ZNF586: variants seen among roughly 807,000 people sequenced by gnomAD.
The protein encoded by ZNF586 is zinc finger protein 586.
In ZNF586, 7 loss-of-function variants were observed where a neutral mutation model predicts 6.7. That is an observed-to-expected ratio of 1.04 (90% CI 0.59 to 1.95). ZNF586 has a LOEUF of 1.95. Ranked by LOEUF, ZNF586 falls within the 30% of genes most tolerant of loss-of-function variation. The pLI, the probability that ZNF586 is intolerant of heterozygous loss-of-function variation, is 0.00. For synonymous variants in ZNF586, 166 were observed against 168.7 expected, an observed-to-expected ratio of 0.98 and a Z score of 0.12; for missense variants, 442 against 489.6, an observed-to-expected ratio of 0.90 and a Z score of 0.92.
At chr19:57,775,507 T>A (rs1205203802) in intron 1 of ZNF586, among the ~76,000 whole-genome samples, 1 of 150,252 alleles carries the variant, frequency 6.7e-6, no homozygotes, top group African/African-American at 2.5e-5. Context: ...AAATTAAAAA[T>A]AAAAACAAGC....
chr19:57,771,180 A>G (rs1270403799), intron 1 of ZNF586, among the ~76,000 whole-genome samples: 1 of 151,930 alleles, frequency 6.6e-6, no homozygotes, highest in Non-Finnish European at 1.5e-5. Context: ...ACACACCTGT[A>G]GTCCCAACTA....
rs909923942 is a variant in ZNF586 at position 57,779,925 on chromosome 19, A to G, written c.*129A>G. ...TTAGCTAGAATGCTAGCTTCTTTAC[A>G]TAAAAGAGTGCTCCCACTGAAGAAG... is the stretch of plus-strand genomic sequence containing the variant. On this transcript the variant is annotated 3_prime_UTR_variant, in exon 3 of 3. Coordinates refer to ENST00000396154, the MANE Select transcript of ZNF586 (RefSeq NM_017652.4). 2.4e-6 allele frequency: 2 copies of G among 823,270 alleles called. No homozygotes were observed. Among genetic ancestry groups the G allele is most frequent in the African/African-American group, 3.4e-5 (2 of 58,032 alleles). The allele number at this position is 823,270 out of a possible 1,614,324, so 51.0% of individuals were successfully genotyped here.
chr19:57,774,847 G>A, intron 1 of ZNF586: 1 of 675,456 alleles, frequency 1.5e-6, no homozygotes, highest in Non-Finnish European at 1.8e-6. Context: ...CATGTCTGGT[G>A]ATACCAGTAC....
chr19:57,777,931 G>T (rs1296911165), intron 2 of ZNF586, among the ~76,000 whole-genome samples: 1 of 149,626 alleles, frequency 6.7e-6, no homozygotes, highest in Non-Finnish European at 1.5e-5. Context: ...AATTTTTGGG[G>T]TATTTTTAGT....
chr19:57,773,768 C>A (rs1351747100), intron 1 of ZNF586, among the ~76,000 whole-genome samples: 1 of 152,188 alleles, frequency 6.6e-6, no homozygotes, highest in Non-Finnish European at 1.5e-5. Flanking sequence ...CACTTTGTGG[C>A]CTCACCAAGA....
Position 57,780,075 on chromosome 19 carries a change from G to A in ZNF586, c.*279G>A. ...TTATTTTTTCTTCAATATAACACTG[G>A]AGGAAACCCCTTATGAGGATGCCAT... On this transcript the variant is annotated 3_prime_UTR_variant, in exon 3 of 3. Transcript: ENST00000396154. 2 of 431,028 alleles carry A rather than the reference G, an allele frequency of 4.6e-6. No individual in the cohort carries two copies. The highest frequency in any genetic ancestry group is 3.9e-5 in the East Asian group (1 of 25,330). 26.7% of individuals were successfully genotyped at this position (431,028 alleles called of 1,614,324 possible). A position where few individuals can be genotyped will look rare whatever the true frequency, so the allele number is the denominator to read the frequency against.
In ZNF586 at chr19:57,779,803, T is replaced by A; in HGVS notation, c.*7T>A. 6.4e-7 allele frequency: 1 copy of A among 1,561,040 alleles called. No individual in the cohort carries two copies. The highest frequency in any genetic ancestry group is 8.7e-7 in the Non-Finnish European group (1 of 1,155,286). On this transcript the variant is annotated 3_prime_UTR_variant, in exon 3 of 3. Coordinates refer to ENST00000396154, the MANE Select transcript of ZNF586 (RefSeq NM_017652.4). Reference sequence around the variant, plus strand: ...AATGAGGCCTTATAAGTGAAGCAAATTTTGGAAATTCTCTTGCCCAGGCTT... The same window carrying A: ...AATGAGGCCTTATAAGTGAAGCAAAATTTGGAAATTCTCTTGCCCAGGCTT...
In ZNF586 at chr19:57,769,947, G is replaced by A. The variant is rs550842896; in HGVS notation, c.36+69G>A. 441 of 1,346,136 alleles carry A rather than the reference G, an allele frequency of 3.3e-4. 1 individual carries two copies. The highest frequency in any genetic ancestry group is 8.8e-4 in the Admixed American group (30 of 34,148). 83.4% of individuals were successfully genotyped at this position (1,346,136 alleles called of 1,614,324 possible). A position where few individuals can be genotyped will look rare whatever the true frequency, so the allele number is the denominator to read the frequency against. ...GACCCTGAGGCCCCTGATCGTGAGGGCCGCCTCCTCGCGTCCCTGCAGCCC... is the reference window on the plus strand; with the variant it reads ...GACCCTGAGGCCCCTGATCGTGAGGACCGCCTCCTCGCGTCCCTGCAGCCC... On this transcript the variant is annotated intron_variant, in intron 1 of 2. Coordinates refer to ENST00000396154, the MANE Select transcript of ZNF586 (RefSeq NM_017652.4).
chr19:57,772,385 T>C (rs1215667771), intron 1 of ZNF586, among the ~76,000 whole-genome samples: 1 of 152,090 alleles, frequency 6.6e-6, no homozygotes, highest in Non-Finnish European at 1.5e-5. Context: ...GTGTGGATGG[T>C]TTTCCTCATA....
chr19:57,770,937 A>G (rs932755922), intron 1 of ZNF586, among the ~76,000 whole-genome samples: 4 of 151,538 alleles, frequency 2.6e-5, no homozygotes, highest in African/African-American at 9.7e-5. Flanking sequence ...CACGGCCTCG[A>G]CCTCTCCGGG....
Position 57,773,059 on chromosome 19 carries a change from A to G in ZNF586, c.36+3181A>G, listed in dbSNP as rs574845208. Among the ~76,000 whole-genome samples the G allele has an allele frequency of 5.3e-5, 8 of 152,310 alleles. No individual in the cohort carries two copies. The South Asian group carries it at 1.7e-3, about 32-fold the overall frequency. On this transcript the variant is annotated intron_variant, in intron 1 of 2. Coordinates refer to ENST00000396154, the MANE Select transcript of ZNF586 (RefSeq NM_017652.4). ...TGCATGCCAGAAAAGGAGATGACCA[A>G]ATATATATTTCACAATATCACACCC...
chr19:57,779,419 T>C lies in ZNF586; in HGVS notation c.832T>C (p.Leu278=). ...GKSFRRSSSL[L]QHQRVHTRER... is the part of the protein sequence containing the mutation. ...ATCATTTCGCCGAAGCTCTTCACTC[T>C]TGCAGCATCAGAGAGTTCACACTAG... Residue 278 remains leucine (L), a synonymous_variant, in exon 3 of 3, where the codon TTG becomes CTG. Transcript: ENST00000396154. 1 of 1,613,118 alleles carries C rather than the reference T, an allele frequency of 6.2e-7. No homozygotes were observed. Among genetic ancestry groups the C allele is most frequent in the South Asian group, 1.1e-5 (1 of 91,012 alleles).
chr19:57,775,328 G>C (rs1419602817), intron 1 of ZNF586, among the ~76,000 whole-genome samples: 1 of 152,082 alleles, frequency 6.6e-6, no homozygotes, highest in Non-Finnish European at 1.5e-5. Flanking sequence ...TCTACCCACA[G>C]AGTTACTCAA....
intron 2 of ZNF586, among the ~76,000 whole-genome samples, chr19:57,777,301 C>T (rs1013212600): frequency 1.3e-5 from 2 of 151,958 alleles, no homozygotes; most frequent in African/African-American, 2.4e-5. Context: ...ATTGGCTGTT[C>T]GTCTGTCCTA....
chr19:57,769,832 C>A lies in ZNF586; in HGVS notation c.-11C>A, dbSNP rs746961123. The A allele has an allele frequency of 1.3e-6, 2 of 1,545,736 alleles. No homozygotes were observed. Among genetic ancestry groups the A allele is most frequent in the Non-Finnish European group, 1.7e-6 (2 of 1,146,168 alleles). The stretch of plus-strand genomic sequence containing the variant: ...CACCGCCGAGCCCGCGTTCCCCCCC[C>A]GCCCAGAGTCATGGCGGCAGCAGCC... On this transcript the variant is annotated 5_prime_UTR_variant, in exon 1 of 3. Coordinates refer to ENST00000396154, the MANE Select transcript of ZNF586 (RefSeq NM_017652.4).
chr19:57,777,186 A>G (rs1245924541), intron 2 of ZNF586, among the ~76,000 whole-genome samples: 3 of 152,244 alleles, frequency 2.0e-5, no homozygotes, highest in African/African-American at 4.8e-5. Flanking sequence ...AGCCTGGCCA[A>G]CATAGCAGGT....
intron 2 of ZNF586, among the ~76,000 whole-genome samples, chr19:57,777,024 TGTC>T (rs1164068922): frequency 6.6e-6 from 1 of 152,188 alleles, no homozygotes; most frequent in Non-Finnish European, 1.5e-5. Flanking sequence ...TGCTACGAAT[TGTC>T]GTCACTGATG....
At chr19:57,772,987 CA>C (rs769061349) in intron 1 of ZNF586, among the ~76,000 whole-genome samples, 88 of 152,220 alleles carry the variant, frequency 5.8e-4, no homozygotes, top group Non-Finnish European at 1.1e-3. Flanking sequence ...AACTCATTGC[CA>C]TTCAAAGTCA....
Position 57,779,273 on chromosome 19 carries a change from C to T in ZNF586, c.686C>T (p.Thr229Ile). The change falls in exon 3 of 3, where the codon ACT becomes ATT. Residue 229 changes from threonine to isoleucine, a missense_variant. Thr to Ile is a moderately conservative substitution (Grantham distance 89). Coordinates refer to ENST00000396154, the MANE Select transcript of ZNF586 (RefSeq NM_017652.4). ...CTCATTAAACACAGGAGGATTCACA[C>T]TGGAGAGAGGCCTTATGAGTGCAGT... ...SSLIKHRRIHTGERPYECSEC... is the reference protein window; with the variant it reads ...SSLIKHRRIHIGERPYECSEC... The T allele has an allele frequency of 2.9e-5, 47 of 1,614,162 alleles. No individual in the cohort carries two copies. Among genetic ancestry groups the T allele is most frequent in the Non-Finnish European group, 4.0e-5 (47 of 1,180,030 alleles).
Sources: gnomAD v4.1 joint callset for allele counts (sites outside exome capture counted in the v4.1 genomes callset) on GRCh38, gnomAD v4.1.1 for gene constraint, MANE v1.5 for transcripts, NCBI Gene and HGNC (gene_info 2026-07-23, HGNC 2026-07-21) for gene names.